The following SLAIN2 variants were observed in gnomAD, a reference collection of about 807,000 sequenced individuals.
The protein encoded by SLAIN2 is SLAIN family member 2.
Under a neutral mutation model 56.6 loss-of-function variants are expected in SLAIN2, and 31 were observed. That is an observed-to-expected ratio of 0.55 (90% CI 0.41 to 0.74). The LOEUF is 0.74. Among genes scored for constraint, SLAIN2 ranks in the 30% least tolerant of loss-of-function variants. The pLI, the probability that SLAIN2 is intolerant of heterozygous loss-of-function variation, is 0.00. For synonymous variants in SLAIN2, 317 were observed against 284.9 expected (o/e 1.11, Z -1.13); for missense variants, 777 against 754.2 (o/e 1.03, Z -0.35).
chr4:48,343,785 A>G (rs1257177855), intron 1 of SLAIN2, among the ~76,000 whole-genome samples: 2 of 152,200 alleles, frequency 1.3e-5, no homozygotes, highest in South Asian at 2.1e-4. Context: ...ATATGATGAC[A>G]TACCTTTATT....
intron 6 of SLAIN2, among the ~76,000 whole-genome samples, chr4:48,401,429 A>T (rs1350290208): frequency 2.0e-5 from 3 of 152,158 alleles, no homozygotes; most frequent in African/African-American, 7.2e-5. Flanking sequence ...GTAGGTCTCT[A>T]AGAACTTGCT....
chr4:48,384,930 A>G (rs1304626717), intron 6 of SLAIN2, among the ~76,000 whole-genome samples: 1 of 152,224 alleles, frequency 6.6e-6, no homozygotes, highest in Non-Finnish European at 1.5e-5. Flanking sequence ...AATAAAAACA[A>G]TAATGATACT....
chr4:48,365,672 C>A (rs1395739403), intron 1 of SLAIN2, among the ~76,000 whole-genome samples: 1 of 151,898 alleles, frequency 6.6e-6, no homozygotes, highest in African/African-American at 2.4e-5. Context: ...ACAATTCTGC[C>A]TGCCTCAGTC....
chr4:48,367,943 C>T (rs1180921629), intron 1 of SLAIN2, among the ~76,000 whole-genome samples: 1 of 151,850 alleles, frequency 6.6e-6, no homozygotes, highest in Non-Finnish European at 1.5e-5. Context: ...TACCTCCAGC[C>T]CTAGGCAACC....
Position 48,341,672 on chromosome 4 carries a change from C to T in SLAIN2, c.-68C>T, listed in dbSNP as rs1285658608. 2.0e-6 allele frequency: 3 copies of T among 1,498,006 alleles called. No homozygotes were observed. Among genetic ancestry groups the T allele is most frequent in the African/African-American group, 1.5e-5 (1 of 68,920 alleles). 92.8% of individuals were successfully genotyped at this position (1,498,006 alleles called of 1,614,324 possible). On this transcript the variant is annotated 5_prime_UTR_variant, in exon 1 of 8. Coordinates refer to ENST00000264313, the MANE Select transcript of SLAIN2 (RefSeq NM_020846.2). ...AGTGAGCGGCGGCGACGCCTCTTTC[C>T]TCCGTCTCTTTCCCTGTCGCTGCGA...
At chr4:48,347,327 C>A (rs988893048) in intron 1 of SLAIN2, among the ~76,000 whole-genome samples, 1 of 151,510 alleles carries the variant, frequency 6.6e-6, no homozygotes, top group Non-Finnish European at 1.5e-5. Flanking sequence ...ACCACCCCCC[C>A]TCCCCCACCC....
chr4:48,341,539 C>G lies in SLAIN2; in HGVS notation c.-201C>G, dbSNP rs1419085914. On this transcript the variant is annotated 5_prime_UTR_variant, in exon 1 of 8. Transcript: ENST00000264313. ...GGCGCCGCCTCCCCCAATCCCGGAGCCGGCGCAGATGAGGCAGTTCGGCTG... is the reference window on the plus strand; with the variant it reads ...GGCGCCGCCTCCCCCAATCCCGGAGGCGGCGCAGATGAGGCAGTTCGGCTG... The G allele has an allele frequency of 1.5e-6, 1 of 686,206 alleles. No individual in the cohort carries two copies. Among genetic ancestry groups the G allele is most frequent in the South Asian group, 3.4e-5 (1 of 29,742 alleles). 42.5% of individuals were successfully genotyped at this position (686,206 alleles called of 1,614,324 possible). A position where few individuals can be genotyped will look rare whatever the true frequency, so the allele number is the denominator to read the frequency against.
At chr4:48,412,401 C>CAA (rs911310057) in intron 6 of SLAIN2, among the ~76,000 whole-genome samples, 1 of 56,436 alleles carries the variant, frequency 1.8e-5, no homozygotes, top group Non-Finnish European at 4.3e-5. Context: ...CACACACACA[C>CAA]ACACACACAC....
At position 48,341,974 on chromosome 4, in the gene SLAIN2, CCCGGGTCGG is replaced by C. The variant is rs1188283362; in HGVS notation, c.236_244del (p.Pro79_Gly82delinsArg). Reference sequence around the variant, plus strand: ...CCTCAGCGCCAAGTCGGGCGGCGGGCCCGGGTCGGGCCCGAGGCGGACGAGTAGCGAAGA... The same window carrying C: ...CCTCAGCGCCAAGTCGGGCGGCGGGCGCCCGAGGCGGACGAGTAGCGAAGA... On this transcript the variant is annotated inframe_deletion, in exon 1 of 8. Coordinates refer to ENST00000264313, the MANE Select transcript of SLAIN2 (RefSeq NM_020846.2). The C allele has an allele frequency of 7.0e-7, 1 of 1,432,252 alleles. No individual in the cohort carries two copies. Among genetic ancestry groups the C allele is most frequent in the Admixed American group, 3.3e-5 (1 of 30,196 alleles). 88.7% of individuals were successfully genotyped at this position (1,432,252 alleles called of 1,614,324 possible).
chr4:48,390,363 A>G (rs1348778222), intron 6 of SLAIN2, among the ~76,000 whole-genome samples: 2 of 152,090 alleles, frequency 1.3e-5, no homozygotes, highest in Non-Finnish European at 2.9e-5. Context: ...CAAAACTTCT[A>G]AGAAATAAAA....
chr4:48,348,138 ATAAC>A (rs1301323273), intron 1 of SLAIN2, among the ~76,000 whole-genome samples: 2 of 152,232 alleles, frequency 1.3e-5, no homozygotes, highest in African/African-American at 2.4e-5. Flanking sequence ...TATTACTTAT[ATAAC>A]TAACTGTTCA....
At position 48,382,861 on chromosome 4, in the gene SLAIN2, C is replaced by A. The variant is rs1447953217; in HGVS notation, c.1156C>A (p.Gln386Lys). 3 of 1,613,586 alleles carry A rather than the reference C, an allele frequency of 1.9e-6. No individual in the cohort carries two copies. Among genetic ancestry groups the A allele is most frequent in the Non-Finnish European group, 2.5e-6 (3 of 1,179,808 alleles). The change falls in exon 5 of 8, where the codon CAG becomes AAG. Residue 386 changes from glutamine to lysine, a missense_variant. Transcript: ENST00000264313. ...VSPQPMISRL[Q>K]QPRLSLQGHP... ...CCCACAGCCTATGATTAGCCGCTTACAGCAACCTCGCCTTTCACTTCAAGG... is the reference window on the plus strand; with the variant it reads ...CCCACAGCCTATGATTAGCCGCTTAAAGCAACCTCGCCTTTCACTTCAAGG...
chr4:48,424,017 A>G lies in SLAIN2; in HGVS notation c.*1940A>G, dbSNP rs1230430498. ...CAAAAAATATATATGCTGCAATCTA[A>G]TAATTAAAAGGAATTTTACCTATTA... On this transcript the variant is annotated 3_prime_UTR_variant, in exon 8 of 8. Transcript: ENST00000264313. The G allele has an allele frequency of 1.3e-5, 2 of 152,184 alleles. No homozygotes were observed. The highest frequency in any genetic ancestry group is 4.8e-5 in the African/African-American group (2 of 41,448). 9.4% of individuals were successfully genotyped at this position (152,184 alleles called of 1,614,324 possible). A position where few individuals can be genotyped will look rare whatever the true frequency, so the allele number is the denominator to read the frequency against.
chr4:48,421,905 G>T (rs1717164698), intron 7 of SLAIN2, 106 bp from the exon 8 acceptor site: 1 of 892,746 alleles, frequency 1.1e-6, no homozygotes, highest in East Asian at 2.7e-5. Context: ...GGCCTTCATG[G>T]GATCGTGATG....
intron 7 of SLAIN2, among the ~76,000 whole-genome samples, chr4:48,421,084 T>C (rs13148849): frequency 0.58 from 87,956 of 151,522 alleles, 26,048 homozygotes; most frequent in South Asian, 0.71. Flanking sequence ...GGTGCAATCT[T>C]GGCTCACTGC....
intron 1 of SLAIN2, among the ~76,000 whole-genome samples, chr4:48,350,932 C>T (rs1714994576): frequency 6.6e-6 from 1 of 152,142 alleles, no homozygotes; most frequent in Non-Finnish European, 1.5e-5. Flanking sequence ...ATATGAAATT[C>T]TTGAAAGTAT....
chr4:48,371,910 C>T (rs1269504338), intron 2 of SLAIN2, among the ~76,000 whole-genome samples: 2 of 151,846 alleles, frequency 1.3e-5, no homozygotes, highest in South Asian at 4.2e-4. Context: ...CACCGCACTC[C>T]GGCTTGGGTG....
intron 6 of SLAIN2, among the ~76,000 whole-genome samples, chr4:48,412,289 T>G (rs560835008): frequency 6.6e-6 from 1 of 152,218 alleles, no homozygotes; most frequent in Non-Finnish European, 1.5e-5. Flanking sequence ...TGTGGCTATT[T>G]TGTTAAAAAC....
chr4:48,360,920 G>A (rs1205926516), intron 1 of SLAIN2, among the ~76,000 whole-genome samples: 1 of 152,156 alleles, frequency 6.6e-6, no homozygotes, highest in Admixed American at 6.5e-5. Flanking sequence ...AAGTTCATGT[G>A]TAGCATTTTT....
Sources: gnomAD v4.1 joint callset for allele counts (sites outside exome capture counted in the v4.1 genomes callset) on GRCh38, gnomAD v4.1.1 for gene constraint, MANE v1.5 for transcripts, NCBI Gene and HGNC (gene_info 2026-07-23, HGNC 2026-07-21) for gene names.